The following TARS3 variants were observed in gnomAD, a reference collection of about 807,000 sequenced individuals.
TARS3 encodes the protein threonine--tRNA ligase 2, cytoplasmic.
TARS3 carries 94 observed loss-of-function variants against 103.5 expected under a neutral mutation model. That is an observed-to-expected ratio of 0.91 (90% CI 0.77 to 1.08). The LOEUF is 1.08. Ranked by LOEUF, TARS3 falls within the 50% of genes least tolerant of loss-of-function variation. The pLI is 0.00. For synonymous variants in TARS3, 416 were observed against 355.4 expected, an observed-to-expected ratio of 1.17 and a Z score of -1.92; for missense variants, 952 against 995.2, an observed-to-expected ratio of 0.96 and a Z score of 0.58.
intron 15 of TARS3, among the ~76,000 whole-genome samples, chr15:101,667,542 T>C (rs1379671390): frequency 1.3e-5 from 2 of 152,006 alleles, no homozygotes; most frequent in Non-Finnish European, 2.9e-5. Flanking sequence ...TCAGCACTTG[T>C]TGCTTTACCT....
At chr15:101,689,244 G>A (rs982819872) in intron 10 of TARS3, among the ~76,000 whole-genome samples, 5 of 152,098 alleles carry the variant, frequency 3.3e-5, no homozygotes, top group African/African-American at 9.7e-5. Context: ...ATTCAGTGGG[G>A]AGCCTTTGAT....
At chr15:101,678,038 T>C (rs1898105135) in intron 12 of TARS3, among the ~76,000 whole-genome samples, 1 of 150,250 alleles carries the variant, frequency 6.7e-6, no homozygotes, top group Non-Finnish European at 1.5e-5. Context: ...TGGAGTGCAG[T>C]GGCATGATCT....
chr15:101,659,221 TAGTG>T (rs1321865732), intron 16 of TARS3, among the ~76,000 whole-genome samples: 4 of 152,246 alleles, frequency 2.6e-5, no homozygotes, highest in Admixed American at 6.5e-5. Context: ...TTCCCTGTCA[TAGTG>T]AGTATTTAGT....
intron 3 of TARS3, 148 bp downstream of exon 3, chr15:101,720,977 CT>C (rs1900425363): frequency 1.4e-6 from 1 of 707,260 alleles, no homozygotes; most frequent in Admixed American, 2.7e-5. Flanking sequence ...TCAATTAAAT[CT>C]TCTTCCTTTA....
intron 10 of TARS3, among the ~76,000 whole-genome samples, chr15:101,686,814 T>G (rs1898494993): frequency 6.6e-6 from 1 of 151,912 alleles, no homozygotes. Flanking sequence ...CACAAAAAGC[T>G]GAATAAGTAA....
chr15:101,671,358 CAA>C (rs1897793842), intron 15 of TARS3, 126 bp downstream of exon 15: 6 of 690,670 alleles, frequency 8.7e-6, no homozygotes, highest in Non-Finnish European at 1.4e-5. Flanking sequence ...ATCAGGTAAA[CAA>C]ATATATATTG....
chr15:101,719,253 G>A (rs112860197), intron 3 of TARS3, among the ~76,000 whole-genome samples: 89 of 152,290 alleles, frequency 5.8e-4, no homozygotes, highest in African/African-American at 2.0e-3. Context: ...ATTGTCTTCT[G>A]TGTACTGTAT....
intron 13 of TARS3, among the ~76,000 whole-genome samples, chr15:101,672,691 T>A (rs936289005): frequency 1.3e-5 from 2 of 152,136 alleles, no homozygotes; most frequent in African/African-American, 4.8e-5. Context: ...ATTTTTTTCC[T>A]GGGATCCTGG....
At chr15:101,675,176 G>A (rs978060114) in intron 13 of TARS3, among the ~76,000 whole-genome samples, 1 of 152,148 alleles carries the variant, frequency 6.6e-6, no homozygotes, top group Non-Finnish European at 1.5e-5. Flanking sequence ...CACAGGGCAG[G>A]GCACGACAGG....
chr15:101,681,274 G>C (rs777307045), intron 12 of TARS3, among the ~76,000 whole-genome samples: 1 of 151,972 alleles, frequency 6.6e-6, no homozygotes, highest in Admixed American at 6.6e-5. Flanking sequence ...CTTTCTATAC[G>C]AATTTTAGAA....
At chr15:101,706,143 A>T (rs531620473) in intron 6 of TARS3, among the ~76,000 whole-genome samples, 1 of 152,138 alleles carries the variant, frequency 6.6e-6, no homozygotes, top group East Asian at 1.9e-4. Context: ...TTGTATTTTT[A>T]CTATGTGCTA....
chr15:101,711,426 A>G (rs1349665013), intron 5 of TARS3, among the ~76,000 whole-genome samples: 1 of 152,190 alleles, frequency 6.6e-6, no homozygotes, highest in Non-Finnish European at 1.5e-5. Flanking sequence ...GGGTCCACCT[A>G]TATGTGGATT....
intron 10 of TARS3, among the ~76,000 whole-genome samples, chr15:101,690,465 T>C (rs1385198120): frequency 6.6e-6 from 1 of 152,242 alleles, no homozygotes; most frequent in African/African-American, 2.4e-5. Context: ...CTGCTGTTCC[T>C]GTATTTCAAC....
intron 18 of TARS3, 58 bp from the exon 19 acceptor site, chr15:101,654,788 G>A: frequency 6.6e-7 from 1 of 1,508,324 alleles, no homozygotes; most frequent in South Asian, 1.2e-5. Flanking sequence ...CAAACATTAA[G>A]TCAGCAGTCC....
In TARS3 at chr15:101,724,099, C is replaced by G; in HGVS notation, c.289G>C (p.Gly97Arg). Residue 97 changes from glycine to arginine, a missense_variant, in exon 1 of 19, where the codon GGC becomes CGC. By Grantham distance (125) the Gly-to-Arg change is moderately radical (BLOSUM62 -2). Coordinates refer to ENST00000335968, the MANE Select transcript of TARS3 (RefSeq NM_152334.3). ...CCCCACCGCCCGGTTACCTGTGCGC[C>G]GGCCTCCTGCGCCGCCTCTAGCTCC... is the stretch of plus-strand genomic sequence containing the variant. ...SAELEAAQEA[G>R]AQPPPSQSQD... The G allele has an allele frequency of 7.3e-7, 1 of 1,368,380 alleles. No homozygotes were observed. The highest frequency in any genetic ancestry group is 9.4e-7 in the Non-Finnish European group (1 of 1,062,300). 84.8% of individuals were successfully genotyped at this position (1,368,380 alleles called of 1,614,324 possible).
rs1346298023 is a variant in TARS3, at chr15:101,703,888, C to T, written c.1045G>A (p.Gly349Arg). ...AAAATTTTGATGGTTTTAATTTTTC[C>T]AGTGTGTCTTACATGTGGACCTTTG... The part of the protein sequence containing the change: ...LCKGPHVRHT[G>R]KIKTIKIFKN... The change falls in exon 8 of 19, where the codon GGA becomes AGA. Residue 349 changes from glycine to arginine, a missense_variant. Around this residue, in one of 2 missense-constraint regions of TARS3, gnomAD observed 540 missense variants for 631.0 expected, o/e 0.86. Coordinates refer to ENST00000335968, the MANE Select transcript of TARS3 (RefSeq NM_152334.3). 2.5e-6 allele frequency: 4 copies of T among 1,612,446 alleles called. No individual in the cohort carries two copies. Among genetic ancestry groups the T allele is most frequent in the Non-Finnish European group, 3.4e-6 (4 of 1,179,512 alleles).
chr15:101,696,398 A>G (rs892741175), intron 10 of TARS3, among the ~76,000 whole-genome samples: 1 of 152,090 alleles, frequency 6.6e-6, no homozygotes, highest in Non-Finnish European at 1.5e-5. Context: ...GACATTCTTC[A>G]ATCAATAACC....
intron 10 of TARS3, among the ~76,000 whole-genome samples, chr15:101,691,517 C>T (rs1332810950): frequency 3.4e-5 from 5 of 146,694 alleles, no homozygotes; most frequent in Non-Finnish European, 6.0e-5. Context: ...TGGCTTCAAG[C>T]GATCCACCCC....
intron 18 of TARS3, among the ~76,000 whole-genome samples, chr15:101,655,386 C>T (rs1331585112): frequency 7.0e-6 from 1 of 142,098 alleles, no homozygotes; most frequent in Admixed American, 6.8e-5. Context: ...CTCTTACAGG[C>T]TCACAGTGAC....
Sources: gnomAD v4.1 joint callset for allele counts (sites outside exome capture counted in the v4.1 genomes callset) on GRCh38, gnomAD v4.1.1 for gene constraint, gnomAD v4.1.1 regional missense constraint, MANE v1.5 for transcripts, NCBI Gene and HGNC (gene_info 2026-07-23, HGNC 2026-07-21) for gene names.